The following CHKB variants were observed in gnomAD, a reference collection of about 807,000 sequenced individuals.
The protein encoded by CHKB is choline/ethanolamine kinase.
Under a neutral mutation model 57.3 loss-of-function variants are expected in CHKB, and 45 were observed. The ratio of observed to expected loss-of-function variants is 0.79; its 90% CI spans 0.62 to 1.01. The LOEUF (loss-of-function observed/expected upper bound fraction) is 1.01. CHKB is among the 50% of genes least tolerant of loss of function. CHKB has a pLI of 0.00. For missense variants in CHKB, 517 were observed against 502.8 expected, an observed-to-expected ratio of 1.03 and a Z score of -0.27; for synonymous variants, 224 against 201.8, an observed-to-expected ratio of 1.11 and a Z score of -0.93.
intron 2 of CHKB, 185 bp from the exon 3 acceptor site, chr22:50,582,047 C>T (rs2070702459): frequency 2.6e-6 from 2 of 769,806 alleles, no homozygotes; most frequent in African/African-American, 1.7e-5. Flanking sequence ...CCAGGCTGGT[C>T]TCGAACTCCT....
In CHKB at chr22:50,580,372, T is replaced by C. The variant is rs371751084; in HGVS notation, c.722A>G (p.Asn241Ser). Residue 241 changes from asparagine (N) to serine (S), a missense_variant, in exon 6 of 11, where the codon AAT becomes AGT. Coordinates refer to ENST00000406938, the MANE Select transcript of CHKB (RefSeq NM_005198.5). The part of the protein sequence containing the change: ...STPSPVVFCH[N>S]DIQEGNILLL... ...CCTTCTCCTACCTTCCTGGATGTCATTGTGGCAGAAGACGACTGGCGATGG... is the reference window on the plus strand; with the variant it reads ...CCTTCTCCTACCTTCCTGGATGTCACTGTGGCAGAAGACGACTGGCGATGG... 1.7e-5 allele frequency: 28 copies of C among 1,613,892 alleles called. No homozygotes were observed. Among genetic ancestry groups the C allele is most frequent in the Admixed American group, 3.3e-5 (2 of 60,004 alleles).
In CHKB at chr22:50,578,992, C is replaced by T; in HGVS notation, c.*189G>A. 1 of 655,690 alleles carries T rather than the reference C, an allele frequency of 1.5e-6. No homozygotes were observed. The highest frequency in any genetic ancestry group is 2.8e-6 in the Non-Finnish European group (1 of 359,736). 40.6% of individuals were successfully genotyped at this position (655,690 alleles called of 1,614,324 possible). ...AAGAAGAAGCTTGTTTATTGTGTTA[C>T]ATACACAGCACGGGGCTCTGGCCTG... On this transcript the variant is annotated 3_prime_UTR_variant, in exon 11 of 11. Transcript: ENST00000406938.
chr22:50,579,637 C>T (rs2070632368), intron 9 of CHKB, 90 bp downstream of exon 9: 3 of 1,497,702 alleles, frequency 2.0e-6, no homozygotes, highest in African/African-American at 2.8e-5. Context: ...CTCTCCACAG[C>T]CACCTTCCCT....
chr22:50,582,374 G>A lies in CHKB; in HGVS notation c.225-17C>T, dbSNP rs907355659. On this transcript the variant is annotated splice_polypyrimidine_tract_variant and intron_variant, in intron 1 of 10. Coordinates refer to ENST00000406938, the MANE Select transcript of CHKB (RefSeq NM_005198.5). ...AGGCCTCCGCTGCAGACCCACACCAGGCGCGCTCAGCCCGCGGCCGGCCCT... is the reference window on the plus strand; with the variant it reads ...AGGCCTCCGCTGCAGACCCACACCAAGCGCGCTCAGCCCGCGGCCGGCCCT... The A allele has an allele frequency of 2.6e-6, 4 of 1,538,302 alleles. No individual in the cohort carries two copies. Among genetic ancestry groups the A allele is most frequent in the Non-Finnish European group, 3.5e-6 (4 of 1,142,246 alleles).
Position 50,582,699 on chromosome 22 carries a change from C to A in CHKB, c.83G>T (p.Cys28Phe), listed in dbSNP as rs370762990. The change falls in exon 1 of 11, where the codon TGC (cysteine) becomes TTC (phenylalanine). Residue 28 changes from cysteine to phenylalanine, a missense_variant. By Grantham distance (205) the Cys-to-Phe change is radical (BLOSUM62 -2). Coordinates refer to ENST00000406938, the MANE Select transcript of CHKB (RefSeq NM_005198.5). ...LAKDGLQQSK[C>F]PDTTPKRRRA... ...CCGCCGTTTTGGGGTAGTGTCCGGG[C>A]ACTTAGACTGCTGCAAGCCGTCTTT... The A allele has an allele frequency of 6.2e-7, 1 of 1,610,030 alleles. No individual in the cohort carries two copies. Among genetic ancestry groups the A allele is most frequent in the Non-Finnish European group, 8.5e-7 (1 of 1,179,052 alleles).
intron 4 of CHKB, 67 bp from the exon 5 acceptor site, chr22:50,580,727 C>G (rs957374094): frequency 7.2e-7 from 1 of 1,383,026 alleles, no homozygotes. Context: ...ATCTACCCCT[C>G]AGGCCAGACT....
chr22:50,581,493 T>C lies in CHKB; in HGVS notation c.508A>G (p.Lys170Glu). The C allele has an allele frequency of 1.2e-6, 2 of 1,613,994 alleles. No individual in the cohort carries two copies. Among genetic ancestry groups the C allele is most frequent in the Non-Finnish European group, 1.7e-6 (2 of 1,180,036 alleles). The change falls in exon 4 of 11, where the codon AAG (lysine) becomes GAG (glutamate). Residue 170 changes from lysine to glutamate, a missense_variant. Physicochemically the swap from Lys to Glu is moderately conservative, Grantham distance 56 (BLOSUM62 1). Transcript: ENST00000406938. ...EPVLSAAIAT[K>E]MAQFHGMEMP... is the part of the protein sequence containing the mutation. ...TCCATGCCATGAAATTGCGCCATCT[T>C]CGTGGCAATGGCTGCTGACAACACT... is the stretch of plus-strand genomic sequence containing the variant.
At chr22:50,580,168 G>A in intron 7 of CHKB, 22 bp downstream of exon 7, 1 of 1,613,606 alleles carries the variant, frequency 6.2e-7, no homozygotes, top group Non-Finnish European at 8.5e-7. Context: ...AGATCTATGG[G>A]AAGCCATCTT....
rs1278491715 is a variant in CHKB at position 50,580,248 on chromosome 22, GCT to G, written c.758_759del (p.Glu253AlafsTer5). On this transcript the variant is annotated frameshift_variant, in exon 7 of 11. Coordinates refer to ENST00000406938, the MANE Select transcript of CHKB (RefSeq NM_005198.5). LOFTEE classifies it high-confidence loss of function. ...AGCATGAGGCTGTCAGCATTTTCTGGCTCTGAGAGCAGCAAGATGTTCCCTGG... is the reference window on the plus strand; with the variant it reads ...AGCATGAGGCTGTCAGCATTTTCTGGCTGAGAGCAGCAAGATGTTCCCTGG... ...IQEGNILLLS[E>X]PENADSLMLV... is the part of the protein sequence containing the mutation. 6.2e-7 allele frequency: 1 copy of G among 1,613,996 alleles called. No homozygotes were observed. Among genetic ancestry groups the G allele is most frequent in the Non-Finnish European group, 8.5e-7 (1 of 1,180,010 alleles).
chr22:50,582,041 G>A lies in CHKB; in HGVS notation c.334-179C>T, dbSNP rs1174174329. 1.7e-5 allele frequency: 13 copies of A among 770,974 alleles called. No individual in the cohort carries two copies. The East Asian group carries it at 2.9e-4, about 17-fold the overall frequency. 47.8% of individuals were successfully genotyped at this position (770,974 alleles called of 1,614,324 possible). On this transcript the variant is annotated intron_variant, in intron 2 of 10. Transcript: ENST00000406938. ...ATGGGGGTCTCACTATGTTGTCCAG[G>A]CTGGTCTCGAACTCCTGTGCTCAAG...
rs757118700 is a variant in CHKB, at chr22:50,582,310, A to T, written c.272T>A (p.Leu91Gln). The part of the protein sequence containing the change: ...LLFRCSLPDH[L>Q]PSVGEEPREV... ...CCGGGGCTCCTCGCCAACGCTGGGCAGGTGGTCCGGGAGCGAGCAGCGGAA... is the reference window on the plus strand; with the variant it reads ...CCGGGGCTCCTCGCCAACGCTGGGCTGGTGGTCCGGGAGCGAGCAGCGGAA... The change falls in exon 2 of 11, where the codon CTG (leucine) becomes CAG (glutamine). Residue 91 changes from leucine to glutamine, a missense_variant. Transcript: ENST00000406938. 9.4e-6 allele frequency: 15 copies of T among 1,590,144 alleles called. No individual in the cohort carries two copies. Among genetic ancestry groups the T allele is most frequent in the Middle Eastern group, 2.2e-4 (1 of 4,600 alleles).
intron 4 of CHKB, among the ~76,000 whole-genome samples, chr22:50,581,050 G>A (rs1014534700): frequency 6.6e-6 from 1 of 152,156 alleles, no homozygotes. Context: ...CGAAGTGCTA[G>A]GATTACAGGC....
intron 1 of CHKB, 79 bp from the exon 2 acceptor site, chr22:50,582,436 G>T: frequency 6.9e-7 from 1 of 1,446,760 alleles, no homozygotes; most frequent in Non-Finnish European, 9.2e-7. Flanking sequence ...GGCCAGGCCG[G>T]CCCCGCCCCG....
Position 50,581,880 on chromosome 22 carries a change from G to A in CHKB, c.334-18C>T, listed in dbSNP as rs1321699401. Reference sequence around the variant, plus strand: ...TCCACGCCCTGAAAAAGGATGGACAGCAAAGGGGCCAAGGCAAAGTGGCAC... The same window carrying A: ...TCCACGCCCTGAAAAAGGATGGACAACAAAGGGGCCAAGGCAAAGTGGCAC... On this transcript the variant is annotated intron_variant, in intron 2 of 10. Transcript: ENST00000406938. The A allele has an allele frequency of 1.2e-6, 2 of 1,609,536 alleles. No individual in the cohort carries two copies. Among genetic ancestry groups the A allele is most frequent in the East Asian group, 2.2e-5 (1 of 44,870 alleles).
chr22:50,580,121 T>C, intron 7 of CHKB, 39 bp from the exon 8 acceptor site: 1 of 1,612,764 alleles, frequency 6.2e-7, no homozygotes, highest in Non-Finnish European at 8.5e-7. Context: ...CCAAATGCCC[T>C]GGGCAGCTGG....
chr22:50,581,716 C>G (rs1050486484), intron 3 of CHKB, 33 bp downstream of exon 3: 1 of 1,600,132 alleles, frequency 6.2e-7, no homozygotes, highest in Admixed American at 1.7e-5. Context: ...GTGGAGGTGC[C>G]TTGGGGAGGA....
In CHKB at chr22:50,580,382, AGAC is replaced by A. The variant is rs1314286640; in HGVS notation, c.709_711del (p.Val237del). 1.2e-6 allele frequency: 2 copies of A among 1,613,918 alleles called. No individual in the cohort carries two copies. The highest frequency in any genetic ancestry group is 1.7e-6 in the Non-Finnish European group (2 of 1,180,030). ...CCTTCCTGGATGTCATTGTGGCAGAAGACGACTGGCGATGGGGTAGACTCTAGT... is the reference window on the plus strand; with the variant it reads ...CCTTCCTGGATGTCATTGTGGCAGAAGACTGGCGATGGGGTAGACTCTAGT... On this transcript the variant is annotated inframe_deletion, in exon 6 of 11. Coordinates refer to ENST00000406938, the MANE Select transcript of CHKB (RefSeq NM_005198.5).
chr22:50,582,838 TCGG>T lies in CHKB; in HGVS notation c.-60_-58del, dbSNP rs2070731444. On this transcript the variant is annotated 5_prime_UTR_variant, in exon 1 of 11. Coordinates refer to ENST00000406938, the MANE Select transcript of CHKB (RefSeq NM_005198.5). ...TGCGCTCCGCTCCCTTCGGACGGGC[TCGG>T]TTCCTTCCGGCCGCGCTCGGCTCCT... The T allele has an allele frequency of 7.7e-7, 1 of 1,301,904 alleles. No homozygotes were observed. Among genetic ancestry groups the T allele is most frequent in the East Asian group, 4.4e-5 (1 of 22,634 alleles). 80.6% of individuals were successfully genotyped at this position (1,301,904 alleles called of 1,614,324 possible).
Position 50,579,808 on chromosome 22 carries a change from A to T in CHKB, c.950T>A (p.Leu317Gln), listed in dbSNP as rs763993653. 19 of 1,613,820 alleles carry T rather than the reference A, an allele frequency of 1.2e-5. No individual in the cohort carries two copies. Among genetic ancestry groups the T allele is most frequent in the Non-Finnish European group, 1.6e-5 (19 of 1,179,990 alleles). Reference sequence around the variant, plus strand: ...GGTCTCACCTTTCTTTGCCTCTGCCAGGTAATGACGAATAAAATGCAACTA... The same window carrying T: ...GGTCTCACCTTTCTTTGCCTCTGCCTGGTAATGACGAATAAAATGCAACTA... Reference protein sequence around the residue: ...EQQLHFIRHYLAEAKKGETLS... With the variant: ...EQQLHFIRHYQAEAKKGETLS... The change falls in exon 9 of 11, where the codon CTG (leucine) becomes CAG (glutamine). Residue 317 changes from leucine to glutamine, a missense_variant. Transcript: ENST00000406938.
Sources: gnomAD v4.1 joint callset for allele counts (sites outside exome capture counted in the v4.1 genomes callset) on GRCh38, gnomAD v4.1.1 for gene constraint, MANE v1.5 for transcripts, NCBI Gene and HGNC (gene_info 2026-07-23, HGNC 2026-07-21) for gene names.